The following COL21A1 variants were observed in gnomAD, a reference collection of about 807,000 sequenced individuals.
COL21A1 encodes the protein collagen type XXI alpha 1 chain.
Under a neutral mutation model 137.9 loss-of-function variants are expected in COL21A1, and 149 were observed. That is an observed-to-expected ratio of 1.08 (90% CI 0.95 to 1.24). COL21A1 has a LOEUF of 1.24. COL21A1 is among the 50% of genes most tolerant of loss of function. The pLI, the probability that COL21A1 is intolerant of heterozygous loss-of-function variation, is 0.00. For synonymous variants in COL21A1, 456 were observed against 391.5 expected (o/e 1.16, Z -1.95); for missense variants, 1,167 against 1,158.4 (o/e 1.01, Z -0.11).
chr6:56,070,394 A>G (rs1157485839), intron 21 of COL21A1, among the ~76,000 whole-genome samples: 1 of 151,612 alleles, frequency 6.6e-6, no homozygotes, highest in African/African-American at 2.4e-5. Flanking sequence ...TGAAACTCCC[A>G]TAAGCAAACA....
chr6:56,146,604 G>A (rs1346221865), intron 10 of COL21A1, among the ~76,000 whole-genome samples: 1 of 152,140 alleles, frequency 6.6e-6, no homozygotes, highest in Non-Finnish European at 1.5e-5. Flanking sequence ...AGGGCAAGCA[G>A]TTGGGAGTTT....
intron 17 of COL21A1, among the ~76,000 whole-genome samples, chr6:56,093,407 A>G (rs62404869): frequency 0.15 from 23,108 of 152,162 alleles, 1,782 homozygotes; most frequent in Middle Eastern, 0.22. Flanking sequence ...CCATCCTAGG[A>G]CAATATCCCT....
At chr6:56,235,653 C>T (rs1781853285) in intron 1 of COL21A1, among the ~76,000 whole-genome samples, 1 of 151,882 alleles carries the variant, frequency 6.6e-6, no homozygotes, top group Non-Finnish European at 1.5e-5. Context: ...AAGAATAACA[C>T]CTGATGTCAG....
intron 1 of COL21A1, among the ~76,000 whole-genome samples, chr6:56,220,782 C>A (rs1245850530): frequency 6.6e-6 from 1 of 152,080 alleles, no homozygotes; most frequent in Non-Finnish European, 1.5e-5. Flanking sequence ...ATGGACTAAG[C>A]AATTACACAT....
At chr6:56,265,368 G>C (rs1237779480) in intron 1 of COL21A1, among the ~76,000 whole-genome samples, 1 of 152,154 alleles carries the variant, frequency 6.6e-6, no homozygotes, top group African/African-American at 2.4e-5. Context: ...AATCACTAGG[G>C]TCTGGTCAGT....
intron 27 of COL21A1, 66 bp from the exon 28 acceptor site, chr6:56,060,284 A>T (rs1765686245): frequency 1.5e-6 from 2 of 1,337,476 alleles, no homozygotes; most frequent in African/African-American, 1.5e-5. Flanking sequence ...TTATATTTTT[A>T]ATTTTTTTCA....
intron 16 of COL21A1, among the ~76,000 whole-genome samples, chr6:56,118,212 T>C (rs1220550055): frequency 6.7e-6 from 1 of 149,958 alleles, no homozygotes; most frequent in Non-Finnish European, 1.5e-5. Flanking sequence ...TAAAAAAGGA[T>C]ACCCAAATAA....
chr6:56,216,823 C>G (rs1275810140), intron 1 of COL21A1, among the ~76,000 whole-genome samples: 5 of 152,016 alleles, frequency 3.3e-5, no homozygotes, highest in African/African-American at 1.2e-4. Flanking sequence ...AATGAAAAAT[C>G]TTATGAGATC....
chr6:56,076,154 G>A (rs969441590), intron 18 of COL21A1, among the ~76,000 whole-genome samples: 2 of 151,466 alleles, frequency 1.3e-5, no homozygotes, highest in African/African-American at 4.8e-5. Flanking sequence ...GTATCTGAGG[G>A]TGGATCTTCA....
chr6:56,107,307 G>C (rs1771032033), intron 16 of COL21A1, among the ~76,000 whole-genome samples: 2 of 151,704 alleles, frequency 1.3e-5, no homozygotes, highest in Non-Finnish European at 2.9e-5. Flanking sequence ...CACATTAAAG[G>C]CTCAGAAACG....
chr6:56,179,299 T>C (rs551308857), intron 3 of COL21A1, among the ~76,000 whole-genome samples: 2 of 152,104 alleles, frequency 1.3e-5, no homozygotes, highest in East Asian at 3.8e-4. Context: ...ATAGACATGT[T>C]ATAATTGAAA....
intron 9 of COL21A1, among the ~76,000 whole-genome samples, chr6:56,158,246 GTTTTTTCTTTTTTTTTTTTCTT>G (rs1226321270): frequency 2.0e-5 from 2 of 98,994 alleles, no homozygotes; most frequent in African/African-American, 7.8e-5. Flanking sequence ...TCACTCGTGG[GTTTTTTCTTTTTTTTTTTTCTT>G]TTTTTTTTTT....
At chr6:56,127,416 C>T (rs1773134155) in intron 12 of COL21A1, among the ~76,000 whole-genome samples, 1 of 152,042 alleles carries the variant, frequency 6.6e-6, no homozygotes, top group African/African-American at 2.4e-5. Context: ...TGATTGTATT[C>T]ATTTGCATTG....
At chr6:56,073,365 A>G (rs930078595) in intron 20 of COL21A1, among the ~76,000 whole-genome samples, 2 of 151,354 alleles carry the variant, frequency 1.3e-5, no homozygotes, top group African/African-American at 4.8e-5. Flanking sequence ...AAGAGCAGCT[A>G]CCTTTTCTCA....
intron 1 of COL21A1, among the ~76,000 whole-genome samples, chr6:56,300,496 A>C (rs1212695738): frequency 6.6e-6 from 1 of 152,148 alleles, no homozygotes; most frequent in Non-Finnish European, 1.5e-5. Flanking sequence ...TAAATTGCTC[A>C]TTCATTGGAT....
At chr6:56,098,392 AAT>A (rs1275474740) in intron 17 of COL21A1, among the ~76,000 whole-genome samples, 9 of 8,798 alleles carry the variant, frequency 1.0e-3, no homozygotes, top group African/African-American at 1.2e-3. Context: ...TAAATATATA[AAT>A]ATATATATAA....
rs573179500 is a variant in COL21A1, at chr6:56,364,991, G to A, written c.-39+28980C>T. 3.9e-5 allele frequency among the ~76,000 whole-genome samples: 6 copies of A among 152,196 alleles called. No individual in the cohort carries two copies. The South Asian group carries it at 8.3e-4, about 21-fold the overall frequency. The stretch of plus-strand genomic sequence containing the variant: ...GTGTAAAATCCTTTCCCCAAGAGAC[G>A]ACTCTGGGATGCTCATGTTATTGCC... On this transcript the variant is annotated intron_variant, in intron 1 of 28. Coordinates refer to the COL21A1 transcript ENST00000370819.
chr6:56,280,716 G>A (rs966635887), intron 1 of COL21A1, among the ~76,000 whole-genome samples: 1 of 152,090 alleles, frequency 6.6e-6, no homozygotes, highest in Non-Finnish European at 1.5e-5. Flanking sequence ...TTATAGGGTC[G>A]AAACAATTCA....
intron 16 of COL21A1, among the ~76,000 whole-genome samples, chr6:56,109,656 T>C (rs747575308): frequency 1.2e-4 from 18 of 151,840 alleles, no homozygotes; most frequent in Non-Finnish European, 2.5e-4. Flanking sequence ...TAAGAAATTA[T>C]CATTACAAAA....
Sources: gnomAD v4.1 joint callset for allele counts (sites outside exome capture counted in the v4.1 genomes callset) on GRCh38, gnomAD v4.1.1 for gene constraint, MANE v1.5 for transcripts, NCBI Gene and HGNC (gene_info 2026-07-23, HGNC 2026-07-21) for gene names.